Variants in EPHB1 observed in about 807,000 individuals in gnomAD.
The protein encoded by EPHB1 is ephrin type-B receptor 1.
EPHB1 carries 30 observed loss-of-function variants against 94.4 expected under a neutral mutation model. The observed-to-expected ratio is 0.32, with a 90% confidence interval of 0.24 to 0.43. The LOEUF is 0.43. Among genes scored for constraint, EPHB1 ranks in the 20% least tolerant of loss-of-function variants. EPHB1 has a pLI of 1.00. For synonymous variants in EPHB1, 522 were observed against 489.1 expected (o/e 1.07, Z -0.89); for missense variants, 1,055 against 1,308.3 (o/e 0.81, Z 2.99).
At chr3:134,925,362 G>C (rs921558270) in intron 1 of EPHB1, among the ~76,000 whole-genome samples, 1 of 152,236 alleles carries the variant, frequency 6.6e-6, no homozygotes, top group Non-Finnish European at 1.5e-5. Flanking sequence ...GATGAGGCCA[G>C]AGAAGCTGCA....
chr3:134,833,088 C>G (rs1304049239), intron 1 of EPHB1, among the ~76,000 whole-genome samples: 1 of 152,186 alleles, frequency 6.6e-6, no homozygotes, highest in African/African-American at 2.4e-5. Context: ...CCCTTGGTCA[C>G]CTGATCCCAG....
chr3:135,218,539 A>C (rs1475699121), intron 12 of EPHB1, among the ~76,000 whole-genome samples: 2 of 152,226 alleles, frequency 1.3e-5, no homozygotes, highest in African/African-American at 4.8e-5. Flanking sequence ...CTCAGAAAAC[A>C]CATCTCTCCA....
intron 3 of EPHB1, among the ~76,000 whole-genome samples, chr3:135,048,977 C>T (rs1222843972): frequency 6.6e-6 from 1 of 152,196 alleles, no homozygotes; most frequent in Non-Finnish European, 1.5e-5. Context: ...TGCTTCCTTA[C>T]AGCCTCAGAA....
chr3:135,249,529 G>C, intron 15 of EPHB1, 38 bp downstream of exon 15: 1 of 1,593,828 alleles, frequency 6.3e-7, no homozygotes. Context: ...ACCACACCTA[G>C]GGGTCAGTGC....
intron 1 of EPHB1, among the ~76,000 whole-genome samples, chr3:134,824,136 T>TCC (rs1169186919): frequency 0.017 from 2,454 of 144,572 alleles, 51 homozygotes; most frequent in South Asian, 0.062. Context: ...TTTTTTTTTT[T>TCC]TTTTTTTTTT....
At chr3:134,860,149 G>T (rs977369099) in intron 1 of EPHB1, among the ~76,000 whole-genome samples, 3 of 65,430 alleles carry the variant, frequency 4.6e-5, no homozygotes, top group African/African-American at 2.1e-4. Flanking sequence ...GAGAAGGAAG[G>T]GACACACACA....
At chr3:134,956,959 G>A (rs4955524) in intron 3 of EPHB1, among the ~76,000 whole-genome samples, 75,594 of 151,956 alleles carry the variant, frequency 0.5, 19,691 homozygotes, top group African/African-American at 0.64. Context: ...GAAAACAGCA[G>A]AGAGGAATAA....
intron 3 of EPHB1, among the ~76,000 whole-genome samples, chr3:135,026,415 T>G (rs1936172688): frequency 6.7e-6 from 1 of 150,048 alleles, no homozygotes; most frequent in South Asian, 2.1e-4. Context: ...GGGATCCAGT[T>G]TCAGCTTTCT....
At chr3:135,187,775 C>T (rs956655466) in intron 10 of EPHB1, among the ~76,000 whole-genome samples, 1 of 152,170 alleles carries the variant, frequency 6.6e-6, no homozygotes, top group Non-Finnish European at 1.5e-5. Context: ...TGGCAAAAAG[C>T]TCTGATGTGT....
chr3:135,202,373 G>A (rs983835836), intron 12 of EPHB1, among the ~76,000 whole-genome samples: 5 of 152,190 alleles, frequency 3.3e-5, no homozygotes, highest in African/African-American at 1.2e-4. Flanking sequence ...TAGGAATGAT[G>A]TTTGATTTCT....
chr3:135,124,634 A>G (rs377375444), intron 4 of EPHB1, among the ~76,000 whole-genome samples: 3 of 151,812 alleles, frequency 2.0e-5, no homozygotes, highest in East Asian at 3.8e-4. Flanking sequence ...TAGATAGGCT[A>G]TGCCAAAATC....
At chr3:134,858,927 G>A (rs979036239) in intron 1 of EPHB1, among the ~76,000 whole-genome samples, 2 of 152,196 alleles carry the variant, frequency 1.3e-5, no homozygotes, top group Non-Finnish European at 2.9e-5. Flanking sequence ...TCCCTGGGGT[G>A]GGGCTTCAGC....
chr3:135,069,429 T>C (rs1310928502), intron 3 of EPHB1, among the ~76,000 whole-genome samples: 1 of 152,076 alleles, frequency 6.6e-6, no homozygotes, highest in Non-Finnish European at 1.5e-5. Context: ...GGAAGACAGT[T>C]TGGAACAAGA....
intron 15 of EPHB1, among the ~76,000 whole-genome samples, chr3:135,252,400 G>A (rs1455930705): frequency 8.1e-6 from 1 of 124,160 alleles, no homozygotes; most frequent in Non-Finnish European, 1.6e-5. Flanking sequence ...AGAGTGTGAT[G>A]TTCCCCTTCC....
chr3:135,186,145 T>C (rs1467267654), intron 10 of EPHB1, among the ~76,000 whole-genome samples: 1 of 152,246 alleles, frequency 6.6e-6, no homozygotes, highest in Non-Finnish European at 1.5e-5. Context: ...ATGTGATATA[T>C]AGGTATGCAG....
chr3:135,232,023 G>A (rs1367206830), intron 12 of EPHB1, among the ~76,000 whole-genome samples: 1 of 152,176 alleles, frequency 6.6e-6, no homozygotes, highest in African/African-American at 2.4e-5. Context: ...TGGCATCCTG[G>A]GGAACTGGGA....
intron 1 of EPHB1, among the ~76,000 whole-genome samples, chr3:134,860,184 C>CACACACACACACACAT (rs2037223414): frequency 6.6e-6 from 1 of 151,650 alleles, no homozygotes; most frequent in Non-Finnish European, 1.5e-5. Context: ...CACACACACA[C>CACACACACACACACAT]ACACACACAC....
At chr3:134,997,122 T>C (rs1935021388) in intron 3 of EPHB1, among the ~76,000 whole-genome samples, 1 of 152,230 alleles carries the variant, frequency 6.6e-6, no homozygotes, top group Non-Finnish European at 1.5e-5. Flanking sequence ...AAAGTAGGGA[T>C]TTAGCTTGTT....
Position 135,260,150 on chromosome 3 carries a change from A to G in EPHB1, c.*1030A>G, listed in dbSNP as rs1336867933. 1 of 233,090 alleles carries G rather than the reference A, an allele frequency of 4.3e-6. No individual in the cohort carries two copies. Among genetic ancestry groups the G allele is most frequent in the African/African-American group, 2.2e-5 (1 of 45,342 alleles). 14.4% of individuals were successfully genotyped at this position (233,090 alleles called of 1,614,324 possible). ...GATACTGACTGATTAATTATTCCTG[A>G]TAACATCTCAAGAAAAGGAGAAGGA... is the stretch of plus-strand genomic sequence containing the variant. On this transcript the variant is annotated 3_prime_UTR_variant, in exon 16 of 16. Transcript: ENST00000398015.
Sources: gnomAD v4.1 joint callset for allele counts (sites outside exome capture counted in the v4.1 genomes callset) on GRCh38, gnomAD v4.1.1 for gene constraint, MANE v1.5 for transcripts, NCBI Gene and HGNC (gene_info 2026-07-23, HGNC 2026-07-21) for gene names.